The following CCDC3 variants were observed in gnomAD, a reference collection of about 807,000 sequenced individuals.
The protein encoded by CCDC3 is coiled-coil domain containing 3, also known as coiled-coil domain-containing protein 3.
In CCDC3, 24 loss-of-function variants were observed where a neutral mutation model predicts 21.4. That is an observed-to-expected ratio of 1.12 (90% CI 0.81 to 1.58). CCDC3 has a LOEUF of 1.58. CCDC3 is among the 40% of genes most tolerant of loss of function. The probability of loss-of-function intolerance (pLI) is 0.00; values close to 1 mark genes in which losing one functional copy is unlikely to be tolerated. For synonymous variants in CCDC3, 186 were observed against 166.0 expected (o/e 1.12, Z -0.93); for missense variants, 425 against 360.9 (o/e 1.18, Z -1.44).
At chr10:12,977,625 C>G (rs922696685) in intron 2 of CCDC3, among the ~76,000 whole-genome samples, 1 of 152,198 alleles carries the variant, frequency 6.6e-6, no homozygotes, top group Non-Finnish European at 1.5e-5. Context: ...CCTCACAGAG[C>G]CTTTCAATTA....
chr10:13,041,504 A>ATTTTTTTTTT lies in CCDC3; in HGVS notation c.-2+8160_-2+8169dup, dbSNP rs71477255. ...GTTCACTCCAAGTGTCTGGCAGATA[A>ATTTTTTTTTT]TTTTTTTTTTTTTTTTTTTTTTTTT... is the stretch of plus-strand genomic sequence containing the variant. On this transcript the variant is annotated intron_variant, in intron 5 of 6. Coordinates refer to the CCDC3 transcript ENST00000378839. Among the ~76,000 whole-genome samples the ATTTTTTTTTT allele has an allele frequency of 4.8e-4, 30 of 62,112 alleles. 5 individuals are homozygous for ATTTTTTTTTT. Among genetic ancestry groups the ATTTTTTTTTT allele is most frequent in the South Asian group, 1.9e-3 (3 of 1,540 alleles). The allele number at this position is 62,112 out of a possible 152,430, so 40.7% of individuals were successfully genotyped here.
chr10:12,979,693 G>C (rs938513670), intron 2 of CCDC3, among the ~76,000 whole-genome samples: 1 of 152,072 alleles, frequency 6.6e-6, no homozygotes, highest in African/African-American at 2.4e-5. Flanking sequence ...CTTTGGAAAA[G>C]CACAGGTCAA....
chr10:12,908,308 T>C (rs1293971069), intron 2 of CCDC3, among the ~76,000 whole-genome samples: 3 of 152,186 alleles, frequency 2.0e-5, no homozygotes, highest in South Asian at 2.1e-4. Context: ...GCTGTGCACA[T>C]TGGTCCTGCA....
intron 2 of CCDC3, among the ~76,000 whole-genome samples, chr10:12,969,614 A>C (rs556808668): frequency 6.0e-5 from 9 of 151,248 alleles, no homozygotes; most frequent in Non-Finnish European, 7.4e-5. Context: ...TGACAGATGA[A>C]TGGATAAAAA....
At chr10:13,034,831 C>T (rs1836357297) in intron 5 of CCDC3, among the ~76,000 whole-genome samples, 2 of 152,016 alleles carry the variant, frequency 1.3e-5, no homozygotes, top group African/African-American at 2.4e-5. Context: ...TTGAGACCAG[C>T]CTGGCCAACA....
intron 5 of CCDC3, among the ~76,000 whole-genome samples, chr10:13,019,924 A>G (rs140437637): frequency 6.6e-6 from 1 of 152,232 alleles, no homozygotes; most frequent in South Asian, 2.1e-4. Flanking sequence ...TGAAACCTAA[A>G]GGTGGAAGTT....
chr10:12,945,677 CTT>C (rs1321528260), intron 2 of CCDC3, among the ~76,000 whole-genome samples: 13 of 151,966 alleles, frequency 8.6e-5, no homozygotes, highest in Non-Finnish European at 1.3e-4. Flanking sequence ...TTTTCTTTAC[CTT>C]TTAAGTAATT....
chr10:12,948,493 ACG>A (rs1027072875), intron 2 of CCDC3, among the ~76,000 whole-genome samples: 5 of 141,976 alleles, frequency 3.5e-5, no homozygotes, highest in Non-Finnish European at 4.6e-5. Context: ...ACACACACAC[ACG>A]GGAGGGGCCA....
intron 2 of CCDC3, among the ~76,000 whole-genome samples, chr10:12,908,202 G>C (rs1315239712): frequency 1.3e-5 from 2 of 152,214 alleles, no homozygotes; most frequent in African/African-American, 4.8e-5. Flanking sequence ...CGTCTCATTA[G>C]ATGTTTACGT....
intron 2 of CCDC3, among the ~76,000 whole-genome samples, chr10:12,945,054 G>A (rs1317664377): frequency 6.6e-6 from 1 of 152,148 alleles, no homozygotes; most frequent in African/African-American, 2.4e-5. Flanking sequence ...TTTTATTAGA[G>A]ACTAAAGATA....
chr10:13,056,112 A>G (rs1178750616), intron 4 of CCDC3, among the ~76,000 whole-genome samples: 2 of 152,228 alleles, frequency 1.3e-5, no homozygotes, highest in Non-Finnish European at 2.9e-5. Context: ...TTCACACATT[A>G]CAGTTTAATT....
In CCDC3 at chr10:12,918,869, C is replaced by T. The variant is rs562953698; in HGVS notation, c.550-20190G>A. 7.9e-5 allele frequency among the ~76,000 whole-genome samples: 12 copies of T among 152,116 alleles called. No individual in the cohort carries two copies. The South Asian group carries it at 1.7e-3, about 21-fold the overall frequency. On this transcript the variant is annotated intron_variant, in intron 2 of 2. Transcript: ENST00000378825. ...GAGATCAAGACCACCCTGGCTAACA[C>T]GGTGAAACCCCATCTCTACTAAAAA...
intron 2 of CCDC3, among the ~76,000 whole-genome samples, chr10:12,901,646 G>A (rs1834093873): frequency 6.6e-6 from 1 of 152,178 alleles, no homozygotes; most frequent in South Asian, 2.1e-4. Context: ...CATGGTTGTT[G>A]GGAGGATTTC....
At chr10:13,092,401 A>T (rs1832582113) in intron 3 of CCDC3, among the ~76,000 whole-genome samples, 1 of 152,214 alleles carries the variant, frequency 6.6e-6, no homozygotes, top group Admixed American at 6.5e-5. Context: ...TTCCAAGTTC[A>T]CTAACAGATC....
intron 2 of CCDC3, among the ~76,000 whole-genome samples, chr10:12,953,433 T>C (rs531114219): frequency 6.6e-6 from 1 of 152,262 alleles, no homozygotes; most frequent in East Asian, 1.9e-4. Flanking sequence ...ATACTACATC[T>C]GTAGGGATAT....
chr10:13,069,403 A>C (rs931908883), intron 4 of CCDC3, among the ~76,000 whole-genome samples: 1 of 152,290 alleles, frequency 6.6e-6, no homozygotes, highest in Admixed American at 6.5e-5. Context: ...TCTGCTCTTT[A>C]GCAAAATTTG....
At chr10:12,986,727 CGT>C (rs1412790599) in intron 2 of CCDC3, among the ~76,000 whole-genome samples, 2 of 150,590 alleles carry the variant, frequency 1.3e-5, no homozygotes, top group Admixed American at 6.6e-5. Flanking sequence ...GAGCCGAGAT[CGT>C]GCCACTGCAC....
At chr10:13,002,450 C>T (rs1835871454), upstream of CCDC3, among the ~76,000 whole-genome samples, 1 of 152,084 alleles carries the variant, frequency 6.6e-6, no homozygotes, top group Non-Finnish European at 1.5e-5. Flanking sequence ...TACAGTGGCT[C>T]CATCAGGGCT....
chr10:12,973,144 C>T (rs1029361906), intron 2 of CCDC3, among the ~76,000 whole-genome samples: 2 of 152,156 alleles, frequency 1.3e-5, no homozygotes, highest in Admixed American at 6.5e-5. Flanking sequence ...GATAAATAAG[C>T]CCAAGGCTTA....
Sources: allele counts gnomAD v4.1 joint callset (sites outside exome capture counted in the v4.1 genomes callset), GRCh38; gene constraint gnomAD v4.1.1; transcripts MANE v1.5; gene names NCBI Gene and HGNC (gene_info 2026-07-23, HGNC 2026-07-21).